The following CFAP54 variants were observed in gnomAD, a reference collection of about 807,000 sequenced individuals.
CFAP54 encodes cilia- and flagella-associated protein 54.
Under a neutral mutation model 370.4 loss-of-function variants are expected in CFAP54, and 290 were observed. The observed-to-expected ratio is 0.78, with a 90% CI of 0.71 to 0.86. The LOEUF (loss-of-function observed/expected upper bound fraction) is 0.86. Ranked by LOEUF, CFAP54 falls within the 40% of genes least tolerant of loss-of-function variation. The pLI is 0.00. For missense variants in CFAP54, 3,399 were observed against 3,528.7 expected, an observed-to-expected ratio of 0.96 and a Z score of 0.93; for synonymous variants, 1,206 against 1,236.5, an observed-to-expected ratio of 0.98 and a Z score of 0.52.
intron 26 of CFAP54, among the ~76,000 whole-genome samples, chr12:96,616,861 T>G (rs1332719918): frequency 6.6e-6 from 1 of 152,048 alleles, no homozygotes; most frequent in Non-Finnish European, 1.5e-5. Context: ...CATAAGGAGA[T>G]TTGTATTTTA....
intron 65 of CFAP54, among the ~76,000 whole-genome samples, chr12:96,820,538 T>C (rs1959020824): frequency 6.6e-6 from 1 of 152,234 alleles, no homozygotes; most frequent in Non-Finnish European, 1.5e-5. Flanking sequence ...TCAGCATTTA[T>C]GACTTCTGTG....
intron 62 of CFAP54, among the ~76,000 whole-genome samples, chr12:96,791,373 G>C (rs1460598103): frequency 6.6e-6 from 1 of 151,942 alleles, no homozygotes; most frequent in Non-Finnish European, 1.5e-5. Context: ...TGCTTTTTCA[G>C]CTACCTTAAA....
rs1316202111 is a variant in CFAP54 at position 96,679,552 on chromosome 12, C to T, written c.5564-48C>T. The T allele has an allele frequency of 1.9e-6, 3 of 1,559,068 alleles. No individual in the cohort carries two copies. The African/African-American group carries it at 4.1e-5, about 21-fold the overall frequency. ...ATAAACTTGCTGGCTCTTACCTTGG[C>T]TTGGTGCAGCATTTCATCCCCAATA... is the stretch of plus-strand genomic sequence containing the variant. On this transcript the variant is annotated intron_variant, in intron 39 of 67. Transcript: ENST00000524981.
chr12:96,564,553 A>G lies in CFAP54; in HGVS notation c.2496A>G (p.Thr832=), dbSNP rs1353591016. 5.8e-6 allele frequency: 4 copies of G among 688,946 alleles called. No individual in the cohort carries two copies. The highest frequency in any genetic ancestry group is 1.1e-5 in the Non-Finnish European group (4 of 379,808). The allele number at this position is 688,946 out of a possible 1,614,324, so 42.7% of individuals were successfully genotyped here. A position where few individuals can be genotyped will look rare whatever the true frequency, so the allele number is the denominator to read the frequency against. ...LKQSGSTDCF[T]ELNIMNKIKK... ...AATCTGGAAGCACTGATTGTTTTAC[A>G]GGTAATTAAAATTGGGATAACTGGT... The change falls in exon 18 of 68, where the codon ACA becomes ACG. Residue 832 remains threonine, a splice_region_variant and synonymous_variant. Coordinates refer to ENST00000524981, the MANE Select transcript of CFAP54 (RefSeq NM_001306084.2).
rs145217840 is a variant in CFAP54, at chr12:96,874,422, T to C, written c.*15-696T>C. On this transcript the variant is annotated intron_variant, in intron 67 of 67. Coordinates refer to ENST00000524981, the MANE Select transcript of CFAP54 (RefSeq NM_001306084.2). ...TAGAATGAGAGCTCCTGCTGGACAATGGCACAACAGTGAGTTTTGTAAGGT... is the reference window on the plus strand; with the variant it reads ...TAGAATGAGAGCTCCTGCTGGACAACGGCACAACAGTGAGTTTTGTAAGGT... Among the ~76,000 whole-genome samples, 139 of 152,220 alleles carry C rather than the reference T, an allele frequency of 9.1e-4. No individual in the cohort carries two copies. In the East Asian group the frequency reaches 0.024, roughly 26 times the overall value.
At chr12:96,659,136 C>CA (rs1164391794) in intron 38 of CFAP54, among the ~76,000 whole-genome samples, 1 of 152,196 alleles carries the variant, frequency 6.6e-6, no homozygotes, top group African/African-American at 2.4e-5. Context: ...TCTTTCAATT[C>CA]AGTTTCTACA....
intron 42 of CFAP54, among the ~76,000 whole-genome samples, chr12:96,685,822 G>A (rs959482746): frequency 2.0e-5 from 3 of 152,164 alleles, no homozygotes; most frequent in Non-Finnish European, 4.4e-5. Context: ...AAAGTGCTGG[G>A]ATTACAGGCA....
chr12:96,586,820 C>T (rs1180414283), intron 22 of CFAP54, among the ~76,000 whole-genome samples: 1 of 152,118 alleles, frequency 6.6e-6, no homozygotes, highest in Non-Finnish European at 1.5e-5. Context: ...TAACGTGACT[C>T]CTGTTTTTAA....
At chr12:96,607,260 A>G (rs1222884061) in intron 26 of CFAP54, among the ~76,000 whole-genome samples, 2 of 152,172 alleles carry the variant, frequency 1.3e-5, no homozygotes, top group African/African-American at 4.8e-5. Flanking sequence ...CTCCAAGGGA[A>G]GAAGAGCAAG....
chr12:96,625,678 A>G, intron 28 of CFAP54, 40 bp from the exon 29 acceptor site: 5 of 1,334,224 alleles, frequency 3.7e-6, no homozygotes, highest in Non-Finnish European at 5.1e-6. Flanking sequence ...ATTTTGCGTT[A>G]CTAAACAGAA....
At chr12:96,637,787 G>A (rs1187391093) in intron 32 of CFAP54, among the ~76,000 whole-genome samples, 2 of 152,200 alleles carry the variant, frequency 1.3e-5, no homozygotes, top group Non-Finnish European at 2.9e-5. Flanking sequence ...TTCACGTGTT[G>A]CATAACATTT....
chr12:96,629,171 A>AT (rs1162950631), intron 30 of CFAP54, among the ~76,000 whole-genome samples: 1 of 151,918 alleles, frequency 6.6e-6, no homozygotes, highest in Non-Finnish European at 1.5e-5. Flanking sequence ...TCGTTACTTT[A>AT]TTTTCAATCC....
chr12:96,687,806 T>C (rs1957344330), intron 42 of CFAP54, among the ~76,000 whole-genome samples: 1 of 152,174 alleles, frequency 6.6e-6, no homozygotes, highest in African/African-American at 2.4e-5. Context: ...CAATTGGGAA[T>C]GGAAAAGCCA....
rs191755339 is a variant in CFAP54, at chr12:96,504,683, T to C, written c.567+654T>C. Among the ~76,000 whole-genome samples, 358 of 152,336 alleles carry C rather than the reference T, an allele frequency of 2.4e-3. 3 individuals are homozygous for C. Among genetic ancestry groups the C allele is most frequent in the African/African-American group, 7.8e-3 (323 of 41,580 alleles). On this transcript the variant is annotated intron_variant, in intron 3 of 67. Coordinates refer to ENST00000524981, the MANE Select transcript of CFAP54 (RefSeq NM_001306084.2). ...GATCAGTCTGACTCTAAATCTATGTTACTTCAAACTTGAGGACTATTCAAG... is the reference window on the plus strand; with the variant it reads ...GATCAGTCTGACTCTAAATCTATGTCACTTCAAACTTGAGGACTATTCAAG...
chr12:96,849,997 A>G (rs552422710), intron 66 of CFAP54, among the ~76,000 whole-genome samples: 1 of 152,268 alleles, frequency 6.6e-6, no homozygotes, highest in Non-Finnish European at 1.5e-5. Flanking sequence ...TATTTACAAC[A>G]AGCAAGCAAA....
chr12:96,625,742 G>A lies in CFAP54; in HGVS notation c.3911G>A (p.Gly1304Glu). ...GATGTTACATCTGAACTCTCAGGAG[G>A]AGAGGACCCTATATTTCTTTATCCT... The part of the protein sequence containing the change: ...KQYVTSELSG[G>E]EDPIFLYPVV... The change falls in exon 29 of 68, where the codon GGA becomes GAA. Residue 1304 changes from glycine (G) to glutamate (E), a missense_variant. Around this residue, in one of 3 missense-constraint regions of CFAP54, gnomAD observed 2,796 missense variants for 2,869.7 expected, o/e 0.97. Transcript: ENST00000524981. 6.5e-7 allele frequency: 1 copy of A among 1,535,652 alleles called. No homozygotes were observed. Among genetic ancestry groups the A allele is most frequent in the Non-Finnish European group, 8.7e-7 (1 of 1,146,620 alleles).
chr12:96,644,950 T>A (rs1483518397), intron 33 of CFAP54, among the ~76,000 whole-genome samples: 4 of 152,224 alleles, frequency 2.6e-5, no homozygotes, highest in Non-Finnish European at 2.9e-5. Context: ...ATGTGCTGGA[T>A]ATAAGTGATA....
At chr12:96,840,626 C>CTTTTTTTTTTTTTTTTTT (rs11445758) in intron 66 of CFAP54, among the ~76,000 whole-genome samples, 1 of 120,588 alleles carries the variant, frequency 8.3e-6, no homozygotes, top group African/African-American at 2.8e-5. Context: ...CTGTTTCTTT[C>CTTTTTTTTTTTTTTTTTT]TTTTTTTTTT....
chr12:96,654,705 G>A (rs985876323), intron 36 of CFAP54, among the ~76,000 whole-genome samples: 17 of 151,898 alleles, frequency 1.1e-4, no homozygotes, highest in East Asian at 1.9e-4. Context: ...ACCTGTAACC[G>A]CTACCCTTCC....
Sources: allele counts gnomAD v4.1 joint callset (sites outside exome capture counted in the v4.1 genomes callset), GRCh38; gene constraint gnomAD v4.1.1; regional missense constraint gnomAD v4.1.1; transcripts MANE v1.5; gene names NCBI Gene and HGNC (gene_info 2026-07-23, HGNC 2026-07-21).